Variants in PTER observed in about 807,000 individuals in gnomAD.
PTER encodes phosphotriesterase related.
A neutral mutation model predicts 29.6 loss-of-function variants in PTER; 38 were observed. The observed-to-expected ratio is 1.28, with a 90% CI of 0.99 to 1.68. The LOEUF is 1.68. Ranked by LOEUF, PTER falls within the 40% of genes most tolerant of loss-of-function variation. The pLI, the probability that PTER is intolerant of heterozygous loss-of-function variation, is 0.00. For missense variants in PTER, 482 were observed against 427.8 expected (o/e 1.13, Z -1.12); for synonymous variants, 172 against 154.5 (o/e 1.11, Z -0.84).
intron 1 of PTER, among the ~76,000 whole-genome samples, chr10:16,454,689 C>CAT (rs3047202): frequency 0.63 from 95,209 of 151,684 alleles, 31,080 homozygotes; most frequent in East Asian, 0.8. Context: ...AATGTCAAGA[C>CAT]ATATAATATA....
At chr10:16,475,292 C>T (rs993297749) in intron 1 of PTER, among the ~76,000 whole-genome samples, 2 of 152,122 alleles carry the variant, frequency 1.3e-5, no homozygotes, top group Non-Finnish European at 2.9e-5. Context: ...TTAGCTGGGC[C>T]TGACATCATT....
Position 16,484,413 on chromosome 10 carries a change from C to A in PTER, c.29C>A (p.Thr10Asn). ...TCTTCCTTAAGTGGAAAAGTCCAAA[C>A]CGTTTTGGGCCTTGTAGAGCCAAGC... Reference protein sequence around the residue: MSSLSGKVQTVLGLVEPSKL... With the variant: MSSLSGKVQNVLGLVEPSKL... Residue 10 changes from threonine to asparagine, a missense_variant, in exon 2 of 5, where the codon ACC becomes AAC. Thr to Asn is a moderately conservative substitution (Grantham distance 65). Transcript: ENST00000535784. The A allele has an allele frequency of 6.3e-7, 1 of 1,597,616 alleles. No individual in the cohort carries two copies. The highest frequency in any genetic ancestry group is 1.1e-5 in the South Asian group (1 of 87,402).
At chr10:16,508,110 C>G (rs1836654909) in intron 4 of PTER, among the ~76,000 whole-genome samples, 1 of 147,940 alleles carries the variant, frequency 6.8e-6, no homozygotes, top group African/African-American at 2.5e-5. Context: ...GCTCTGTCGC[C>G]CAGGCAGGAG....
downstream of PTER, chr10:16,514,430 G>A: frequency 1.1e-6 from 1 of 937,324 alleles, no homozygotes; most frequent in Non-Finnish European, 1.7e-6. Context: ...CAACTGAGGT[G>A]CCCTGCCATT....
At chr10:16,503,344 A>G (rs1468077668) in intron 3 of PTER, among the ~76,000 whole-genome samples, 1 of 151,918 alleles carries the variant, frequency 6.6e-6, no homozygotes, top group East Asian at 2.0e-4. Flanking sequence ...CTCATGCCTC[A>G]GCCTCCCGAG....
At chr10:16,475,113 C>G (rs1032911637) in intron 1 of PTER, among the ~76,000 whole-genome samples, 1 of 152,108 alleles carries the variant, frequency 6.6e-6, no homozygotes, top group African/African-American at 2.4e-5. Context: ...TTGATCACCT[C>G]TCAAAGGCCC....
At chr10:16,470,895 A>G (rs1017892939) in intron 1 of PTER, among the ~76,000 whole-genome samples, 1 of 152,190 alleles carries the variant, frequency 6.6e-6, no homozygotes, top group Non-Finnish European at 1.5e-5. Flanking sequence ...TAACTTAAAA[A>G]TGATGACTGA....
intron 1 of PTER, among the ~76,000 whole-genome samples, chr10:16,444,312 C>G (rs150527544): frequency 1.3e-5 from 2 of 151,106 alleles, no homozygotes; most frequent in Non-Finnish European, 2.9e-5. Flanking sequence ...TTTTTTGAGA[C>G]GGTGTCTTGC....
intron 1 of PTER, among the ~76,000 whole-genome samples, chr10:16,469,495 CTG>C (rs1234928286): frequency 1.4e-5 from 2 of 147,110 alleles, no homozygotes; most frequent in Non-Finnish European, 2.9e-5. Context: ...AAGATCGTGA[CTG>C]TGAGAATGAA....
At chr10:16,451,004 C>T (rs915460761) in intron 1 of PTER, among the ~76,000 whole-genome samples, 3 of 152,180 alleles carry the variant, frequency 2.0e-5, no homozygotes, top group Non-Finnish European at 2.9e-5. Context: ...AAGCAGTCAA[C>T]TCCAGAAACC....
intron 1 of PTER, among the ~76,000 whole-genome samples, chr10:16,438,085 A>T (rs915677763): frequency 1.3e-5 from 2 of 152,058 alleles, no homozygotes; most frequent in Admixed American, 1.3e-4. Flanking sequence ...GGCTCACTGC[A>T]ACCTCCGCCT....
intron 1 of PTER, among the ~76,000 whole-genome samples, chr10:16,467,610 G>A (rs751028954): frequency 3.9e-5 from 6 of 152,080 alleles, no homozygotes; most frequent in Admixed American, 2.0e-4. Context: ...TCAGGAGTTC[G>A]AGACCAGTCT....
At chr10:16,497,149 G>A (rs181011071) in intron 3 of PTER, among the ~76,000 whole-genome samples, 4 of 152,132 alleles carry the variant, frequency 2.6e-5, no homozygotes, top group African/African-American at 9.6e-5. Context: ...TGGCCAGGCT[G>A]GTCTCAAACT....
At position 16,486,590 on chromosome 10, in the gene PTER, C is replaced by T. The variant is rs1464348649; in HGVS notation, c.671C>T (p.Ser224Phe). The T allele has an allele frequency of 6.2e-7, 1 of 1,613,604 alleles. No homozygotes were observed. The highest frequency in any genetic ancestry group is 8.5e-7 in the Non-Finnish European group (1 of 1,179,714). Residue 224 changes from serine (S) to phenylalanine (F), a missense_variant, in exon 3 of 5, where the codon TCC becomes TTC. Coordinates refer to ENST00000535784, the MANE Select transcript of PTER (RefSeq NM_001261836.2). ...TTGCAAGAAGCAGGCGCAGACATCT[C>T]CAAAACAGTCATGTCACACCTGGAT... ...RILQEAGADI[S>F]KTVMSHLDRT...
At chr10:16,463,173 C>G (rs1211402483) in intron 1 of PTER, among the ~76,000 whole-genome samples, 1 of 144,184 alleles carries the variant, frequency 6.9e-6, no homozygotes, top group Non-Finnish European at 1.5e-5. Flanking sequence ...ATACTCCAGC[C>G]TGGGCGACAG....
chr10:16,456,862 T>TGTGG (rs1554787511), intron 1 of PTER, among the ~76,000 whole-genome samples: 1 of 113,598 alleles, frequency 8.8e-6, no homozygotes, highest in African/African-American at 3.3e-5. Flanking sequence ...ATGGGGAAGG[T>TGTGG]GGGGGGGGGT....
intron 1 of PTER, among the ~76,000 whole-genome samples, chr10:16,446,515 G>A (rs988193858): frequency 6.6e-6 from 1 of 152,062 alleles, no homozygotes; most frequent in African/African-American, 2.4e-5. Flanking sequence ...TAGATAGAGA[G>A]ATCAAACTAT....
intron 1 of PTER, among the ~76,000 whole-genome samples, chr10:16,447,971 A>G (rs747299790): frequency 2.6e-5 from 4 of 152,152 alleles, no homozygotes; most frequent in Admixed American, 6.5e-5. Flanking sequence ...CCATTTGATG[A>G]TGGAATGCTG....
At chr10:16,488,956 G>A (rs1381981030) in intron 3 of PTER, among the ~76,000 whole-genome samples, 1 of 152,078 alleles carries the variant, frequency 6.6e-6, no homozygotes, top group Non-Finnish European at 1.5e-5. Context: ...CTGAATGTAA[G>A]GATGTACCTT....
Sources: allele counts gnomAD v4.1 joint callset (sites outside exome capture counted in the v4.1 genomes callset), GRCh38; gene constraint gnomAD v4.1.1; transcripts MANE v1.5; gene names NCBI Gene and HGNC (gene_info 2026-07-23, HGNC 2026-07-21).